NRG2: variants seen among roughly 807,000 people sequenced by gnomAD.
NRG2 encodes neuregulin 2.
A neutral mutation model predicts 73.9 loss-of-function variants in NRG2; 27 were observed. That is an observed-to-expected ratio of 0.37 (90% CI 0.27 to 0.50). The LOEUF is 0.50. Ranked by LOEUF, NRG2 falls within the 20% of genes least tolerant of loss-of-function variation. The probability of loss-of-function intolerance (pLI) is 0.96; values close to 1 mark genes in which losing one functional copy is unlikely to be tolerated. For missense variants in NRG2, 1,126 were observed against 1,210.1 expected (o/e 0.93, Z 1.03); for synonymous variants, 532 against 541.0 (o/e 0.98, Z 0.23).
At position 140,033,336 on chromosome 5, in the gene NRG2, C is replaced by G. The variant is rs111607196; in HGVS notation, c.700+9034G>C. On this transcript the variant is annotated intron_variant, in intron 1 of 9. Transcript: ENST00000361474. The stretch of plus-strand genomic sequence containing the variant: ...CAGTAAAAATGTAAGATAAGACCTA[C>G]CGAAGTCAAAGAGCAATCCTGGCAG... Among the ~76,000 whole-genome samples, 210 of 152,328 alleles carry G rather than the reference C, an allele frequency of 1.4e-3. 1 individual carries two copies. The highest frequency in any genetic ancestry group is 4.9e-3 in the African/African-American group (205 of 41,566).
chr5:139,860,030 G>C, intron 5 of NRG2: 1 of 1,024,970 alleles, frequency 9.8e-7, no homozygotes, highest in South Asian at 1.4e-5. Flanking sequence ...CAGACACCGG[G>C]CAGCCATCCT....
At chr5:139,945,140 T>C (rs1753713951) in intron 1 of NRG2, among the ~76,000 whole-genome samples, 1 of 152,172 alleles carries the variant, frequency 6.6e-6, no homozygotes, top group Admixed American at 6.5e-5. Flanking sequence ...GTTTCTCATA[T>C]ATTCTGGATA....
chr5:140,026,618 A>AAAAAG (rs949975232), intron 1 of NRG2, among the ~76,000 whole-genome samples: 15 of 152,200 alleles, frequency 9.9e-5, no homozygotes, highest in East Asian at 5.8e-4. Flanking sequence ...TCTCCAGAAA[A>AAAAAG]AAAAGAAAAG....
At chr5:140,010,523 CAT>C (rs1384007599) in intron 1 of NRG2, among the ~76,000 whole-genome samples, 1 of 151,958 alleles carries the variant, frequency 6.6e-6, no homozygotes, top group Non-Finnish European at 1.5e-5. Flanking sequence ...GGACACTGTA[CAT>C]GTGGGGGGCA....
chr5:139,922,933 T>G (rs1294546600), intron 1 of NRG2, among the ~76,000 whole-genome samples: 1 of 152,146 alleles, frequency 6.6e-6, no homozygotes, highest in Non-Finnish European at 1.5e-5. Flanking sequence ...AGATCAGTGA[T>G]TGCCAGAGGT....
chr5:139,847,764 A>G lies in NRG2; in HGVS notation c.*153T>C. 1 of 578,832 alleles carries G rather than the reference A, an allele frequency of 1.7e-6. No homozygotes were observed. The highest frequency in any genetic ancestry group is 1.9e-5 in the African/African-American group (1 of 51,602). The allele number at this position is 578,832 out of a possible 1,614,324, so 35.9% of individuals were successfully genotyped here. On this transcript the variant is annotated 3_prime_UTR_variant, in exon 10 of 10. Coordinates refer to ENST00000361474, the MANE Select transcript of NRG2 (RefSeq NM_004883.3). ...CTAGTATTATAAGACAATTTTTGCT[A>G]AAATGAAAATAAAACATTTTGTTAT... is the stretch of plus-strand genomic sequence containing the variant.
At chr5:139,871,872 G>T (rs561371360) in intron 3 of NRG2, 31 bp from the exon 4 acceptor site, 14 of 1,609,286 alleles carry the variant, frequency 8.7e-6, no homozygotes, top group African/African-American at 2.7e-5. Context: ...TGCCAGTGAC[G>T]CACTGAGACT....
chr5:139,863,384 A>G (rs1301590696), intron 5 of NRG2, among the ~76,000 whole-genome samples: 2 of 152,254 alleles, frequency 1.3e-5, no homozygotes, highest in Admixed American at 6.5e-5. Context: ...GGTAACAGTC[A>G]AGCTACTGAA....
At chr5:139,927,823 C>T (rs909018974) in intron 1 of NRG2, among the ~76,000 whole-genome samples, 1 of 151,054 alleles carries the variant, frequency 6.6e-6, no homozygotes, top group African/African-American at 2.4e-5. Context: ...GTTTTGAGCA[C>T]TCTCTGGTCC....
chr5:140,037,904 T>G (rs1466571970), intron 1 of NRG2, among the ~76,000 whole-genome samples: 1 of 70,078 alleles, frequency 1.4e-5, no homozygotes, highest in Non-Finnish European at 2.9e-5. Context: ...CAAGACTCCA[T>G]CTCAAAAAAA....
rs536191130 is a variant in NRG2, at chr5:139,915,427, T to C, written c.701-27916A>G. 4.6e-5 allele frequency among the ~76,000 whole-genome samples: 7 copies of C among 152,316 alleles called. No individual in the cohort carries two copies. Among genetic ancestry groups the C allele is most frequent in the African/African-American group, 1.7e-4 (7 of 41,568 alleles). On this transcript the variant is annotated intron_variant, in intron 1 of 9. Transcript: ENST00000361474. The surrounding 1 kb of genome is among the most constrained non-coding windows in gnomAD (Gnocchi z 4.0). ...TGTAAGGAAGTGGCGCCAGCTAAGC[T>C]GCCAAGACTTGACAGGTTGGGTGGT...
At chr5:139,883,772 C>T (rs1292488441) in intron 2 of NRG2, among the ~76,000 whole-genome samples, 1 of 152,118 alleles carries the variant, frequency 6.6e-6, no homozygotes, top group Non-Finnish European at 1.5e-5. Flanking sequence ...CTATGATGGC[C>T]CACTCCTCCA....
intron 1 of NRG2, among the ~76,000 whole-genome samples, chr5:139,938,614 C>T (rs1429032904): frequency 6.6e-6 from 1 of 152,006 alleles, no homozygotes; most frequent in African/African-American, 2.4e-5. Flanking sequence ...ATTCTCTCAC[C>T]TTGGCTGCCC....
intron 1 of NRG2, among the ~76,000 whole-genome samples, chr5:139,925,851 A>G (rs1561684058): frequency 6.6e-6 from 1 of 152,170 alleles, no homozygotes; most frequent in Non-Finnish European, 1.5e-5. Context: ...CTGCCTGGCC[A>G]GCACAGACCT....
At chr5:140,017,433 T>C (rs1759879927) in intron 1 of NRG2, among the ~76,000 whole-genome samples, 1 of 152,104 alleles carries the variant, frequency 6.6e-6, no homozygotes, top group Non-Finnish European at 1.5e-5. Flanking sequence ...GACCATATTT[T>C]AAAATTCTGT....
At position 140,042,806 on chromosome 5, in the gene NRG2, T is replaced by C. The variant is rs1762042152; in HGVS notation, c.264A>G (p.Ala88=). 2.7e-6 allele frequency: 4 copies of C among 1,499,112 alleles called. No homozygotes were observed. In the South Asian group the frequency reaches 5.1e-5, roughly 19 times the overall value. 92.9% of individuals were successfully genotyped at this position (1,499,112 alleles called of 1,614,324 possible). A position where few individuals can be genotyped will look rare whatever the true frequency, so the allele number is the denominator to read the frequency against. Reference sequence around the variant, plus strand: ...GGTCGCGCCTCATGCCGCCGGCGGCTGCGGCTCGCGAACGGGCGGCGGCTC... The same window carrying C: ...GGTCGCGCCTCATGCCGCCGGCGGCCGCGGCTCGCGAACGGGCGGCGGCTC... ...ARRAAARSRA[A]AAGGMRRDPA... Residue 88 remains alanine (A), a synonymous_variant, in exon 1 of 10, where the codon GCA becomes GCG. Coordinates refer to ENST00000361474, the MANE Select transcript of NRG2 (RefSeq NM_004883.3).
At chr5:140,030,957 A>G (rs1425386187) in intron 1 of NRG2, among the ~76,000 whole-genome samples, 5 of 152,120 alleles carry the variant, frequency 3.3e-5, no homozygotes, top group Non-Finnish European at 4.4e-5. Context: ...TGAAAATGAG[A>G]CCTAGAATTA....
At chr5:139,863,369 G>A (rs867064257) in intron 5 of NRG2, among the ~76,000 whole-genome samples, 2 of 152,244 alleles carry the variant, frequency 1.3e-5, no homozygotes, top group South Asian at 4.1e-4. Flanking sequence ...AATCCTTTAC[G>A]AAAAGGTAAC....
intron 4 of NRG2, among the ~76,000 whole-genome samples, chr5:139,867,452 C>CT (rs1406139070): frequency 6.6e-6 from 1 of 152,094 alleles, no homozygotes; most frequent in African/African-American, 2.4e-5. Context: ...CATCAGCCCC[C>CT]TTGTCAACAC....
Sources: gnomAD v4.1 joint callset for allele counts (sites outside exome capture counted in the v4.1 genomes callset) on GRCh38, gnomAD v4.1.1 for gene constraint, Gnocchi (gnomAD v3.1) non-coding constraint, MANE v1.5 for transcripts, NCBI Gene and HGNC (gene_info 2026-07-23, HGNC 2026-07-21) for gene names.